YKT6: variants seen among roughly 807,000 people sequenced by gnomAD.
YKT6 encodes the protein synaptobrevin homolog YKT6.
A neutral mutation model predicts 29.3 loss-of-function variants in YKT6; 12 were observed. That is an observed-to-expected ratio of 0.41 (90% CI 0.26 to 0.66). The LOEUF is 0.66. YKT6 is among the 30% of genes least tolerant of loss of function. The probability of loss-of-function intolerance (pLI) is 0.32; values close to 1 mark genes in which losing one functional copy is unlikely to be tolerated. For synonymous variants in YKT6, 86 were observed against 94.3 expected, an observed-to-expected ratio of 0.91 and a Z score of 0.51; for missense variants, 188 against 243.8, an observed-to-expected ratio of 0.77 and a Z score of 1.52.
intron 2 of YKT6, among the ~76,000 whole-genome samples, chr7:44,205,079 G>A (rs1242086137): frequency 6.6e-6 from 1 of 152,160 alleles, no homozygotes; most frequent in Non-Finnish European, 1.5e-5. Context: ...TTATTTAGAT[G>A]TGTATGTTAT....
intron 2 of YKT6, among the ~76,000 whole-genome samples, chr7:44,206,144 G>C (rs914615154): frequency 1.3e-5 from 2 of 152,162 alleles, no homozygotes; most frequent in African/African-American, 4.8e-5. Flanking sequence ...GTTTCTTTAA[G>C]CCCTGGCTTT....
At position 44,212,413 on chromosome 7, in the gene YKT6, T is replaced by C. The variant is rs2096347847; in HGVS notation, c.*131T>C. The C allele has an allele frequency of 5.1e-6, 6 of 1,165,852 alleles. No homozygotes were observed. In the South Asian group the frequency reaches 8.1e-5, roughly 16 times the overall value. 72.2% of individuals were successfully genotyped at this position (1,165,852 alleles called of 1,614,324 possible). A position where few individuals can be genotyped will look rare whatever the true frequency, so the allele number is the denominator to read the frequency against. On this transcript the variant is annotated 3_prime_UTR_variant, in exon 7 of 7. Coordinates refer to ENST00000223369, the MANE Select transcript of YKT6 (RefSeq NM_006555.4). ...CAGACTGGCCATTTTTATTTTGAAGTTCCTGCGAGAAATGGATGGTGGAAG... is the reference window on the plus strand; with the variant it reads ...CAGACTGGCCATTTTTATTTTGAAGCTCCTGCGAGAAATGGATGGTGGAAG...
chr7:44,208,110 TA>T, intron 4 of YKT6, 22 bp from the exon 5 acceptor site: 1 of 1,613,252 alleles, frequency 6.2e-7, no homozygotes, highest in Non-Finnish European at 8.5e-7. Flanking sequence ...GTCCTGACTT[TA>T]TTATTTTTCA....
At chr7:44,206,711 G>A (rs577083601) in intron 3 of YKT6, among the ~76,000 whole-genome samples, 1 of 152,286 alleles carries the variant, frequency 6.6e-6, no homozygotes, top group African/African-American at 2.4e-5. Context: ...AGGCCACTGA[G>A]TCATAGCATC....
Position 44,207,432 on chromosome 7 carries a change from A to T in YKT6, c.333A>T (p.Pro111=). ...FSKQVDRIDW[P]VGSPATIHYP... ...AGCAAGTCGACAGGATAGACTGGCC[A>T]GTAGGATCCCCTGCTACAATCCATT... Residue 111 remains proline (P), a synonymous_variant, in exon 4 of 7, where the codon CCA becomes CCT. Transcript: ENST00000223369. The T allele has an allele frequency of 6.2e-7, 1 of 1,614,162 alleles. No homozygotes were observed.
chr7:44,210,086 T>C lies in YKT6; in HGVS notation c.460-937T>C, dbSNP rs148098933. Among the ~76,000 whole-genome samples the C allele has an allele frequency of 7.1e-3, 1,080 of 152,360 alleles. 7 individuals are homozygous for C. The highest frequency in any genetic ancestry group is 0.012 in the Non-Finnish European group (827 of 68,036). ...AATCGGTATAAAACTTGTTTTTTTT[T>C]CAGTATAAAACTTACTAATGAAGCA... On this transcript the variant is annotated intron_variant, in intron 5 of 6. Transcript: ENST00000223369.
At chr7:44,209,441 C>A (rs1450969553) in intron 5 of YKT6, among the ~76,000 whole-genome samples, 1 of 152,230 alleles carries the variant, frequency 6.6e-6, no homozygotes, top group African/African-American at 2.4e-5. Flanking sequence ...TCCGTTTTCT[C>A]CTCAAGCCAT....
chr7:44,207,726 T>TG (rs1219020737), intron 4 of YKT6, among the ~76,000 whole-genome samples: 9 of 151,900 alleles, frequency 5.9e-5, no homozygotes, highest in African/African-American at 2.2e-4. Flanking sequence ...TGGGTTTTTT[T>TG]TTTTGTTTTT....
At chr7:44,207,973 C>T (rs940857574) in intron 4 of YKT6, among the ~76,000 whole-genome samples, 160 bp from the exon 5 acceptor site, 2 of 152,196 alleles carry the variant, frequency 1.3e-5, no homozygotes, top group African/African-American at 2.4e-5. Flanking sequence ...ATCCACCCGC[C>T]TCATCCTCCC....
At chr7:44,211,147 C>T in intron 6 of YKT6, 23 bp downstream of exon 6, 1 of 1,602,600 alleles carries the variant, frequency 6.2e-7, no homozygotes, top group Non-Finnish European at 8.5e-7. Context: ...CACCTGCTGC[C>T]TCCTGGGTGT....
intron 1 of YKT6, among the ~76,000 whole-genome samples, chr7:44,203,346 GGC>G (rs2096337769): frequency 6.6e-6 from 1 of 152,134 alleles, no homozygotes. Context: ...CGCCTGCCTT[GGC>G]CTCCCAAAGT....
At chr7:44,211,945 CTTTG>C (rs1224106457) in intron 6 of YKT6, among the ~76,000 whole-genome samples, 1 of 152,196 alleles carries the variant, frequency 6.6e-6, no homozygotes, top group Non-Finnish European at 1.5e-5. Context: ...ATTATTGGTC[CTTTG>C]TTTGTACCTG....
chr7:44,208,098 C>T (rs372910540), intron 4 of YKT6, 35 bp from the exon 5 acceptor site: 380 of 1,608,600 alleles, frequency 2.4e-4, no homozygotes, highest in Middle Eastern at 8.3e-4. Flanking sequence ...GTAGCCACTC[C>T]AGTCCTGACT....
rs774898842 is a variant in YKT6, at chr7:44,208,090, A to G, written c.394-43A>G. 3.1e-5 allele frequency: 49 copies of G among 1,598,912 alleles called. 2 individuals carry two copies. Among genetic ancestry groups the G allele is most frequent in the Non-Finnish European group, 3.5e-5 (41 of 1,168,290 alleles). On this transcript the variant is annotated intron_variant, in intron 4 of 6. Coordinates refer to ENST00000223369, the MANE Select transcript of YKT6 (RefSeq NM_006555.4). ...TCAGTTTTAGGTTTTGTTTGCAGGT[A>G]GCCACTCCAGTCCTGACTTTATTAT...
At chr7:44,211,542 T>G (rs2096346844) in intron 6 of YKT6, 1 of 1,007,648 alleles carries the variant, frequency 9.9e-7, no homozygotes, top group African/African-American at 1.7e-5. Context: ...GCTTTTAATT[T>G]CCCTTTGACA....
Position 44,201,013 on chromosome 7 carries a change from C to G in YKT6, c.-123C>G, listed in dbSNP as rs1025321680. On this transcript the variant is annotated 5_prime_UTR_variant, in exon 1 of 7. Coordinates refer to ENST00000223369, the MANE Select transcript of YKT6 (RefSeq NM_006555.4). ...CCAGGAGGAGGAAGCCGGCGGTGGC[C>G]CCGTCAGCAGCCGGCTGCTGAGAGG... is the stretch of plus-strand genomic sequence containing the variant. 6 of 741,054 alleles carry G rather than the reference C, an allele frequency of 8.1e-6. No homozygotes were observed. The South Asian group carries it at 8.2e-5, about 10-fold the overall frequency. 45.9% of individuals were successfully genotyped at this position (741,054 alleles called of 1,614,324 possible). A position where few individuals can be genotyped will look rare whatever the true frequency, so the allele number is the denominator to read the frequency against.
chr7:44,213,808 T>G lies in YKT6; in HGVS notation c.*1526T>G, dbSNP rs1290834169. ...GACTCCACCTCCTGGCTGGTTTACC[T>G]GCTGCTGCCCATTTTCTCTGGGTAC... On this transcript the variant is annotated 3_prime_UTR_variant, in exon 7 of 7. Transcript: ENST00000223369. 1 of 152,318 alleles carries G rather than the reference T, an allele frequency of 6.6e-6. No homozygotes were observed. The highest frequency in any genetic ancestry group is 2.4e-5 in the African/African-American group (1 of 41,448). The allele number at this position is 152,318 out of a possible 1,614,324, so 9.4% of individuals were successfully genotyped here.
chr7:44,210,971 A>G (rs2096346171), intron 5 of YKT6, 52 bp from the exon 6 acceptor site: 3 of 1,590,444 alleles, frequency 1.9e-6, no homozygotes, highest in South Asian at 2.2e-5. Context: ...TGAGGGGCTC[A>G]TGTCAGGGCA....
At chr7:44,201,663 C>T (rs1474484058) in intron 1 of YKT6, among the ~76,000 whole-genome samples, 1 of 152,152 alleles carries the variant, frequency 6.6e-6, no homozygotes, top group Non-Finnish European at 1.5e-5. Context: ...TAGATTGAGG[C>T]CTCGGTATTT....
Sources: allele counts gnomAD v4.1 joint callset (sites outside exome capture counted in the v4.1 genomes callset), GRCh38; gene constraint gnomAD v4.1.1; transcripts MANE v1.5; gene names NCBI Gene and HGNC (gene_info 2026-07-23, HGNC 2026-07-21).